The following SLIT2 variants were observed in gnomAD, a reference collection of about 807,000 sequenced individuals.
SLIT2 encodes the protein slit homolog 2 protein.
SLIT2 carries 41 observed loss-of-function variants against 185.7 expected under a neutral mutation model. The ratio of observed to expected loss-of-function variants is 0.22; its 90% CI spans 0.17 to 0.29. The LOEUF is 0.29. Ranked by LOEUF, SLIT2 falls within the 10% of genes least tolerant of loss-of-function variation. The probability of loss-of-function intolerance (pLI) is 1.00; values close to 1 mark genes in which losing one functional copy is unlikely to be tolerated. For synonymous variants in SLIT2, 693 were observed against 680.2 expected (o/e 1.02, Z -0.29); for missense variants, 1,571 against 1,909.0 (o/e 0.82, Z 3.30).
chr4:20,595,683 G>T lies in SLIT2; in HGVS notation c.3183-14G>T, dbSNP rs1381692339. 2 of 1,612,744 alleles carry T rather than the reference G, an allele frequency of 1.2e-6. No individual in the cohort carries two copies. The highest frequency in any genetic ancestry group is 1.1e-5 in the South Asian group (1 of 91,010). On this transcript the variant is annotated splice_polypyrimidine_tract_variant and intron_variant, in intron 30 of 36. Transcript: ENST00000504154. ...TCAGTTGGGTTTGAAACCATTACCT[G>T]CTTGTTCCAACAGATGTGACTGCAC...
At chr4:20,607,851 T>C (rs1188770375) in intron 33 of SLIT2, among the ~76,000 whole-genome samples, 5 of 152,156 alleles carry the variant, frequency 3.3e-5, no homozygotes, top group Admixed American at 2.0e-4. Context: ...ATAAAACTAC[T>C]TGGAAAGCTG....
At chr4:20,518,809 T>C (rs1246776990) in intron 11 of SLIT2, among the ~76,000 whole-genome samples, 1 of 146,538 alleles carries the variant, frequency 6.8e-6, no homozygotes, top group Non-Finnish European at 1.5e-5. Context: ...GGTTTCACTG[T>C]GTTAGCCAGG....
rs35451935 is a variant in SLIT2, at chr4:20,253,884, G to T, written c.69G>T (p.Val23=). ...LGLVLAILNK[V]APQACPAQCS... ...TAGTGCTGGCGATCCTGAACAAGGT[G>T]GCACCGCAGGCGTGCCCGGCGCAGT... The change falls in exon 1 of 37, where the codon GTG becomes GTT. Residue 23 remains valine (V), a synonymous_variant. Coordinates refer to ENST00000504154, the MANE Select transcript of SLIT2 (RefSeq NM_004787.4). 18 of 1,601,360 alleles carry T rather than the reference G, an allele frequency of 1.1e-5. No homozygotes were observed. The highest frequency in any genetic ancestry group is 1.4e-5 in the Non-Finnish European group (17 of 1,179,910).
At position 20,537,663 on chromosome 4, in the gene SLIT2, G is replaced by T. The variant is rs953512661; in HGVS notation, c.1833-1778G>T. Among the ~76,000 whole-genome samples, 11 of 152,080 alleles carry T rather than the reference G, an allele frequency of 7.2e-5. No individual in the cohort carries two copies. In the East Asian group the frequency reaches 2.1e-3, roughly 29 times the overall value. On this transcript the variant is annotated intron_variant, in intron 18 of 36. Coordinates refer to ENST00000504154, the MANE Select transcript of SLIT2 (RefSeq NM_004787.4). ...ACGGACTCCCTCCTTAATCTAGTTAGGTTTCAACAAGCGTCATAGAGCATT... is the reference window on the plus strand; with the variant it reads ...ACGGACTCCCTCCTTAATCTAGTTATGTTTCAACAAGCGTCATAGAGCATT...
chr4:20,586,560 A>G (rs1388412427), intron 29 of SLIT2, among the ~76,000 whole-genome samples: 2 of 152,222 alleles, frequency 1.3e-5, no homozygotes, highest in Non-Finnish European at 2.9e-5. Flanking sequence ...GTGCAACCCT[A>G]AAACCTTACC....
chr4:20,393,781 A>G (rs1446190919), intron 4 of SLIT2: 3 of 152,028 alleles, frequency 2.0e-5, no homozygotes, highest in Non-Finnish European at 2.9e-5. Context: ...TTGTCATTTT[A>G]TAGACTTTGA....
intron 26 of SLIT2, among the ~76,000 whole-genome samples, chr4:20,566,230 G>C (rs983003147): frequency 1.2e-4 from 18 of 151,994 alleles, no homozygotes; most frequent in Non-Finnish European, 7.4e-5. Context: ...AATTATTGCT[G>C]CTTGTTCCAG....
At chr4:20,463,748 T>C (rs9992544) in intron 4 of SLIT2, among the ~76,000 whole-genome samples, 108,362 of 149,370 alleles carry the variant, frequency 0.73, 39,569 homozygotes, top group Admixed American at 0.8. Flanking sequence ...TGGTGGCGGG[T>C]GCCTGTAGTC....
At chr4:20,420,239 G>A (rs1728068975) in intron 4 of SLIT2, among the ~76,000 whole-genome samples, 1 of 152,122 alleles carries the variant, frequency 6.6e-6, no homozygotes, top group African/African-American at 2.4e-5. Context: ...TACTACAACT[G>A]TGAGTACATG....
rs774548193 is a variant in SLIT2 at position 20,595,775 on chromosome 4, C to T, written c.3261C>T (p.Asn1087=). The change falls in exon 31 of 37, where the codon AAC becomes AAT. Residue 1087 remains asparagine (N), a synonymous_variant. Coordinates refer to ENST00000504154, the MANE Select transcript of SLIT2 (RefSeq NM_004787.4). ...ACTGCCAAGACAACAAGTGTAAAAA[C>T]GGAGCCCACTGCACAGATGCAGTGA... ...FDDCQDNKCK[N]GAHCTDAVNG... is the part of the protein sequence containing the mutation. The T allele has an allele frequency of 1.2e-5, 19 of 1,614,120 alleles. No homozygotes were observed. Among genetic ancestry groups the T allele is most frequent in the South Asian group, 7.7e-5 (7 of 91,076 alleles).
intron 11 of SLIT2, among the ~76,000 whole-genome samples, chr4:20,515,140 T>G (rs1720090021): frequency 6.6e-6 from 1 of 152,224 alleles, no homozygotes; most frequent in African/African-American, 2.4e-5. Flanking sequence ...CTGGCTCTAG[T>G]ACTTACTAGT....
At chr4:20,393,530 A>AT (rs1255961521) in intron 4 of SLIT2, 1 of 151,910 alleles carries the variant, frequency 6.6e-6, no homozygotes, top group Non-Finnish European at 1.5e-5. Context: ...TGACTAATTG[A>AT]TTTTTATCAT....
intron 9 of SLIT2, among the ~76,000 whole-genome samples, chr4:20,506,412 A>G (rs1021627972): frequency 1.3e-5 from 2 of 152,124 alleles, no homozygotes; most frequent in Non-Finnish European, 1.5e-5. Flanking sequence ...TTATGGAACA[A>G]TGGATTCAAA....
chr4:20,306,342 G>A (rs1717544744), intron 4 of SLIT2, among the ~76,000 whole-genome samples: 1 of 152,152 alleles, frequency 6.6e-6, no homozygotes, highest in South Asian at 2.1e-4. Flanking sequence ...ATAGTCACCT[G>A]TGGTCAATAT....
At chr4:20,396,814 T>C (rs1009467083) in intron 4 of SLIT2, among the ~76,000 whole-genome samples, 10 of 148,418 alleles carry the variant, frequency 6.7e-5, no homozygotes, top group African/African-American at 2.2e-4. Context: ...TGAGAACATA[T>C]TTCATATATA....
At chr4:20,344,293 A>C (rs999109347) in intron 4 of SLIT2, among the ~76,000 whole-genome samples, 9 of 152,220 alleles carry the variant, frequency 5.9e-5, no homozygotes, top group Admixed American at 2.0e-4. Flanking sequence ...AGTGCTATAA[A>C]GAGAAAATGA....
chr4:20,484,316 C>G lies in SLIT2; in HGVS notation c.540-1884C>G, dbSNP rs1430123405. ...CATTGAGAAGTTTAACCTTTGCATT[C>G]AAACATCAGGATATATTTTAATGGC... On this transcript the variant is annotated intron_variant, in intron 6 of 36. Transcript: ENST00000504154. The surrounding 1 kb of genome is among the most constrained non-coding windows in gnomAD (Gnocchi z 4.3). 6.6e-6 allele frequency among the ~76,000 whole-genome samples: 1 copy of G among 152,106 alleles called. No homozygotes were observed. The highest frequency in any genetic ancestry group is 2.4e-5 in the African/African-American group (1 of 41,424).
chr4:20,542,886 T>A (rs1008839460), intron 21 of SLIT2, among the ~76,000 whole-genome samples: 1 of 149,244 alleles, frequency 6.7e-6, no homozygotes, highest in African/African-American at 2.5e-5. Flanking sequence ...CTCAGTGCCT[T>A]TACTATGCTA....
chr4:20,376,529 C>T (rs987304986), intron 4 of SLIT2, among the ~76,000 whole-genome samples: 18 of 151,980 alleles, frequency 1.2e-4, no homozygotes, highest in African/African-American at 4.1e-4. Flanking sequence ...TCCCCCTGTC[C>T]GTGCATCAGT....
Sources: gnomAD v4.1 joint callset for allele counts (sites outside exome capture counted in the v4.1 genomes callset) on GRCh38, gnomAD v4.1.1 for gene constraint, Gnocchi (gnomAD v3.1) non-coding constraint, MANE v1.5 for transcripts, NCBI Gene and HGNC (gene_info 2026-07-23, HGNC 2026-07-21) for gene names.